The following SDF2 variants were observed in gnomAD, a reference collection of about 807,000 sequenced individuals.
SDF2 encodes the protein stromal cell derived factor 2, also known as stromal cell-derived factor 2.
SDF2 carries 12 observed loss-of-function variants against 20.5 expected under a neutral mutation model. The observed-to-expected ratio is 0.58, with a 90% CI of 0.37 to 0.95. The LOEUF (loss-of-function observed/expected upper bound fraction) is 0.95. SDF2 is among the 40% of genes least tolerant of loss of function. The pLI is 0.01. For synonymous variants in SDF2, 100 were observed against 101.0 expected, an observed-to-expected ratio of 0.99 and a Z score of 0.06; for missense variants, 238 against 263.1, an observed-to-expected ratio of 0.90 and a Z score of 0.66.
At chr17:28,651,118 T>A (rs2071911409) in intron 2 of SDF2, among the ~76,000 whole-genome samples, 1 of 152,216 alleles carries the variant, frequency 6.6e-6, no homozygotes, top group South Asian at 2.1e-4. Flanking sequence ...TCGCCCAGGC[T>A]GGAGTGCAAT....
chr17:28,656,933 A>C (rs1184567486), intron 1 of SDF2, among the ~76,000 whole-genome samples: 1 of 152,242 alleles, frequency 6.6e-6, no homozygotes, highest in African/African-American at 2.4e-5. Flanking sequence ...CAATTATTAT[A>C]AACGTATTAT....
intron 2 of SDF2, among the ~76,000 whole-genome samples, chr17:28,650,803 C>CAAAA (rs57928087): frequency 7.3e-4 from 14 of 19,072 alleles, no homozygotes; most frequent in African/African-American, 1.1e-3. Context: ...GACTTTGTCT[C>CAAAA]AAAAAAAAAA....
intron 1 of SDF2, among the ~76,000 whole-genome samples, chr17:28,658,646 T>C (rs1461108282): frequency 6.6e-6 from 1 of 152,226 alleles, no homozygotes; most frequent in African/African-American, 2.4e-5. Context: ...GAGTCTCCTA[T>C]GTCTACTTCT....
intron 2 of SDF2, among the ~76,000 whole-genome samples, chr17:28,649,547 C>A (rs942030194): frequency 6.6e-6 from 1 of 151,794 alleles, no homozygotes. Context: ...CCAGCCTGAC[C>A]GACATGGAGA....
rs1284535940 is a variant in SDF2 at position 28,655,653 on chromosome 17, T to C, written c.152-170A>G. On this transcript the variant is annotated intron_variant, in intron 1 of 2. Coordinates refer to ENST00000247020, the MANE Select transcript of SDF2 (RefSeq NM_006923.4). ...ATATTAATACTGCTCTACAAGAGAC[T>C]GAAGACCGCCCTCAGCCATGATGGC... 10 of 647,164 alleles carry C rather than the reference T, an allele frequency of 1.5e-5. No homozygotes were observed. The East Asian group carries it at 2.4e-4, about 16-fold the overall frequency. 40.1% of individuals were successfully genotyped at this position (647,164 alleles called of 1,614,324 possible). A position where few individuals can be genotyped will look rare whatever the true frequency, so the allele number is the denominator to read the frequency against.
intron 1 of SDF2, among the ~76,000 whole-genome samples, chr17:28,657,127 T>C (rs902701033): frequency 6.6e-6 from 1 of 152,142 alleles, no homozygotes; most frequent in African/African-American, 2.4e-5. Context: ...CTTGGGAGGC[T>C]GAGGCAGAAG....
chr17:28,661,863 G>T lies in SDF2; in HGVS notation c.14C>A (p.Pro5His). 1.2e-6 allele frequency: 2 copies of T among 1,613,418 alleles called. No individual in the cohort carries two copies. Among genetic ancestry groups the T allele is most frequent in the Non-Finnish European group, 1.7e-6 (2 of 1,179,442 alleles). MAVV[P>H]LLLLGGLWSA... ...CCACAAACCCCCCAACAACAGCAGA[G>T]GTACTACAGCCATCCTAACTGTATC... Residue 5 changes from proline (P) to histidine (H), a missense_variant, in exon 1 of 3, where the codon CCT (proline) becomes CAT (histidine). Coordinates refer to ENST00000247020, the MANE Select transcript of SDF2 (RefSeq NM_006923.4).
chr17:28,655,510 C>G (rs764631102), intron 1 of SDF2, 27 bp from the exon 2 acceptor site: 1 of 1,547,154 alleles, frequency 6.5e-7, no homozygotes, highest in Non-Finnish European at 8.8e-7. Context: ...AAAGGCAACT[C>G]TCTTTCTCTG....
Position 28,649,171 on chromosome 17 carries a change from G to A in SDF2, c.454C>T (p.His152Tyr). 6.2e-7 allele frequency: 1 copy of A among 1,614,230 alleles called. No homozygotes were observed. The stretch of plus-strand genomic sequence containing the variant: ...GACAGCAGTACCTCAGTGGAAGAGT[G>A]TTTGAACCGCACCTCACCATCTCTC... The part of the protein sequence containing the change: ...WVRDGEVRFK[H>Y]SSTEVLLSVT... Residue 152 changes from histidine to tyrosine, a missense_variant, in exon 3 of 3, where the codon CAC (histidine) becomes TAC (tyrosine). Physicochemically the swap from His to Tyr is moderately conservative, Grantham distance 83. Transcript: ENST00000247020.
In SDF2 at chr17:28,648,970, T is replaced by C. The variant is rs767605630; in HGVS notation, c.*19A>G. ...GTCTGTGAACATTGTGCGTTAACAG[T>C]GGCTCAGAGCCTCTAGATTCACAGC... On this transcript the variant is annotated 3_prime_UTR_variant, in exon 3 of 3. Transcript: ENST00000247020. 2 of 1,611,372 alleles carry C rather than the reference T, an allele frequency of 1.2e-6. No homozygotes were observed. Among genetic ancestry groups the C allele is most frequent in the South Asian group, 2.2e-5 (2 of 90,986 alleles).
At chr17:28,657,190 G>A (rs554208172) in intron 1 of SDF2, among the ~76,000 whole-genome samples, 2 of 152,194 alleles carry the variant, frequency 1.3e-5, no homozygotes, top group South Asian at 2.1e-4. Flanking sequence ...TCACACCACC[G>A]CACTCCAGCC....
intron 2 of SDF2, among the ~76,000 whole-genome samples, chr17:28,653,464 G>A (rs2071930777): frequency 6.6e-6 from 1 of 152,212 alleles, no homozygotes; most frequent in South Asian, 2.1e-4. Context: ...ACAGCCTAAT[G>A]AGACATGGCA....
chr17:28,654,862 G>A (rs562182491), intron 2 of SDF2, among the ~76,000 whole-genome samples: 2 of 152,202 alleles, frequency 1.3e-5, no homozygotes, highest in African/African-American at 4.8e-5. Context: ...CAGCTGAGGT[G>A]GGAGAACCGC....
At chr17:28,657,094 G>A (rs529112955) in intron 1 of SDF2, among the ~76,000 whole-genome samples, 4 of 152,206 alleles carry the variant, frequency 2.6e-5, no homozygotes, top group African/African-American at 7.2e-5. Context: ...GGGCGTGGTC[G>A]CATGTGCCTG....
chr17:28,649,343 T>C (rs2071892693), intron 2 of SDF2, 67 bp from the exon 3 acceptor site: 3 of 1,506,104 alleles, frequency 2.0e-6, no homozygotes, highest in Non-Finnish European at 2.7e-6. Flanking sequence ...TGGGAGGCAA[T>C]GGGAAGAAAA....
intron 1 of SDF2, among the ~76,000 whole-genome samples, chr17:28,658,833 C>A (rs531195426): frequency 6.6e-6 from 1 of 152,322 alleles, no homozygotes; most frequent in East Asian, 1.9e-4. Context: ...GACTGCACAG[C>A]GGCCAGGCAG....
intron 2 of SDF2, chr17:28,651,640 C>T (rs1054993765): frequency 1.3e-5 from 2 of 152,218 alleles, no homozygotes; most frequent in African/African-American, 4.8e-5. Context: ...TTTCTACATT[C>T]TTTTCTTTCT....
intron 1 of SDF2, among the ~76,000 whole-genome samples, chr17:28,659,179 C>T (rs866226278): frequency 1.6e-4 from 21 of 131,270 alleles, no homozygotes; most frequent in Middle Eastern, 6.3e-3. Flanking sequence ...GGGTGGCGGC[C>T]GGGCAGAGGC....
At chr17:28,655,576 C>T in intron 1 of SDF2, 93 bp from the exon 2 acceptor site, 1 of 1,081,886 alleles carries the variant, frequency 9.2e-7, no homozygotes, top group Non-Finnish European at 1.4e-6. Flanking sequence ...TTCACCTTCA[C>T]CTGTAACCCA....
Sources: gnomAD v4.1 joint callset for allele counts (sites outside exome capture counted in the v4.1 genomes callset) on GRCh38, gnomAD v4.1.1 for gene constraint, MANE v1.5 for transcripts, NCBI Gene and HGNC (gene_info 2026-07-23, HGNC 2026-07-21) for gene names.